CPS1: variants seen among roughly 807,000 people sequenced by gnomAD.
The protein encoded by CPS1 is carbamoyl-phosphate synthase [ammonia], mitochondrial.
CPS1 carries 109 observed loss-of-function variants against 174.6 expected under a neutral mutation model. The ratio of observed to expected loss-of-function variants is 0.62; its 90% CI spans 0.53 to 0.73. The LOEUF (loss-of-function observed/expected upper bound fraction) is 0.73. CPS1 is among the 30% of genes least tolerant of loss of function. The probability of loss-of-function intolerance (pLI) is 0.00; values close to 1 mark genes in which losing one functional copy is unlikely to be tolerated. For synonymous variants in CPS1, 637 were observed against 632.0 expected (o/e 1.01, Z -0.12); for missense variants, 1,689 against 1,821.9 (o/e 0.93, Z 1.33).
chr2:210,503,601 C>T (rs1695203765), intron 1 of CPS1, among the ~76,000 whole-genome samples: 1 of 152,104 alleles, frequency 6.6e-6, no homozygotes, highest in Non-Finnish European at 1.5e-5. Flanking sequence ...GATGAATTTA[C>T]AGGTGGATTA....
At chr2:210,657,444 G>C (rs1024459175) in intron 30 of CPS1, 1 of 151,876 alleles carries the variant, frequency 6.6e-6, no homozygotes, top group African/African-American at 2.4e-5. Flanking sequence ...CCGAGTAGCT[G>C]GGACTACAGG....
intron 1 of CPS1, among the ~76,000 whole-genome samples, chr2:210,550,059 G>C (rs567643449): frequency 6.6e-6 from 1 of 151,880 alleles, no homozygotes; most frequent in East Asian, 1.9e-4. Context: ...CTAGAAACGT[G>C]GCTCACAGAT....
At chr2:210,514,396 C>T (rs1695615335) in intron 1 of CPS1, among the ~76,000 whole-genome samples, 1 of 151,762 alleles carries the variant, frequency 6.6e-6, no homozygotes. Flanking sequence ...AGAGATCTCT[C>T]ACCTCCTTAG....
chr2:210,675,892 G>A (rs747552276), intron 36 of CPS1, 52 bp downstream of exon 36: 2 of 875,884 alleles, frequency 2.3e-6, no homozygotes, highest in South Asian at 1.3e-5. Context: ...TTAACTTTGA[G>A]AACCAGTATA....
At chr2:210,554,658 G>A (rs562967972), upstream of CPS1, among the ~76,000 whole-genome samples, 46 of 151,926 alleles carry the variant, frequency 3.0e-4, no homozygotes, top group African/African-American at 1.1e-3. Context: ...GTTTCCATTA[G>A]TGGGTGCAGC....
chr2:210,528,668 G>A (rs1031138618), intron 1 of CPS1, among the ~76,000 whole-genome samples: 2 of 151,800 alleles, frequency 1.3e-5, no homozygotes, highest in African/African-American at 2.4e-5. Context: ...CATTCCAATG[G>A]CATCTACTAC....
chr2:210,525,610 G>A (rs1695950647), intron 1 of CPS1, among the ~76,000 whole-genome samples: 1 of 151,542 alleles, frequency 6.6e-6, no homozygotes. Flanking sequence ...AAATAATTTT[G>A]GCAGTGATAA....
intron 27 of CPS1, among the ~76,000 whole-genome samples, chr2:210,649,682 A>T (rs950325664): frequency 6.6e-6 from 1 of 152,200 alleles, no homozygotes; most frequent in Non-Finnish European, 1.5e-5. Context: ...TGCTGTTTAA[A>T]AGCAAAGTAA....
At chr2:210,553,737 C>T (rs1321710846), upstream of CPS1, among the ~76,000 whole-genome samples, 6 of 151,934 alleles carry the variant, frequency 3.9e-5, no homozygotes, top group African/African-American at 9.7e-5. Flanking sequence ...AAAAGTGTAA[C>T]ATTTCCACTA....
chr2:210,536,185 T>C (rs1696245405), intron 1 of CPS1, among the ~76,000 whole-genome samples: 1 of 152,204 alleles, frequency 6.6e-6, no homozygotes. Context: ...AATGACTTTA[T>C]GTATACACAA....
At chr2:210,492,194 A>G (rs1381757298) in intron 1 of CPS1, among the ~76,000 whole-genome samples, 2 of 152,204 alleles carry the variant, frequency 1.3e-5, no homozygotes, top group African/African-American at 2.4e-5. Flanking sequence ...AAGTTATAAG[A>G]TATAGCAGCA....
intron 1 of CPS1, among the ~76,000 whole-genome samples, chr2:210,565,197 A>G (rs1697260947): frequency 6.6e-6 from 1 of 152,248 alleles, no homozygotes; most frequent in Admixed American, 6.5e-5. Context: ...TTGTGTGTGA[A>G]AAAATCTGCA....
Position 210,616,449 on chromosome 2 carries a change from T to C in CPS1, c.2595T>C (p.Asp865=). 6.2e-7 allele frequency: 1 copy of C among 1,610,758 alleles called. No individual in the cohort carries two copies. The highest frequency in any genetic ancestry group is 8.5e-7 in the Non-Finnish European group (1 of 1,177,354). The change falls in exon 21 of 38, where the codon GAT becomes GAC. Residue 865 remains aspartate, a synonymous_variant. Coordinates refer to ENST00000233072, the MANE Select transcript of CPS1 (RefSeq NM_001875.5). ...AKAIDDNMSL[D]EIEKLTYIDK... ...CCATTGATGACAACATGTCCCTTGA[T>C]GAGATTGAGAAGCTCACATACATTG...
At chr2:210,659,345 A>C (rs1490963181) in intron 31 of CPS1, among the ~76,000 whole-genome samples, 1 of 152,076 alleles carries the variant, frequency 6.6e-6, no homozygotes, top group Non-Finnish European at 1.5e-5. Flanking sequence ...GTGAGAGAGA[A>C]AGTAGGGGAG....
chr2:210,489,685 A>C (rs1694819345), intron 1 of CPS1, among the ~76,000 whole-genome samples: 1 of 152,154 alleles, frequency 6.6e-6, no homozygotes, highest in Non-Finnish European at 1.5e-5. Flanking sequence ...AGCTACAAAC[A>C]AGCTGTGGGA....
intron 1 of CPS1, among the ~76,000 whole-genome samples, chr2:210,546,794 G>A (rs1484010334): frequency 6.6e-6 from 1 of 152,114 alleles, no homozygotes; most frequent in African/African-American, 2.4e-5. Context: ...GTAAGGTTCA[G>A]TTACGTATTT....
At chr2:210,555,370 C>A (rs1245730121), upstream of CPS1, among the ~76,000 whole-genome samples, 1 of 151,902 alleles carries the variant, frequency 6.6e-6, no homozygotes, top group Non-Finnish European at 1.5e-5. Flanking sequence ...ATTTATTTTC[C>A]CATTGCATTT....
intron 20 of CPS1, among the ~76,000 whole-genome samples, chr2:210,616,167 C>T: frequency 6.6e-6 from 1 of 151,884 alleles, no homozygotes; most frequent in South Asian, 2.1e-4. Flanking sequence ...CGAGTCAAAA[C>T]CTGTTAGGAG....
At chr2:210,562,106 C>T (rs907276204) in intron 1 of CPS1, among the ~76,000 whole-genome samples, 2 of 152,162 alleles carry the variant, frequency 1.3e-5, no homozygotes, top group Admixed American at 6.5e-5. Flanking sequence ...AATAAACCTA[C>T]ACTTTATGAA....
Sources: allele counts gnomAD v4.1 joint callset (sites outside exome capture counted in the v4.1 genomes callset), GRCh38; gene constraint gnomAD v4.1.1; transcripts MANE v1.5; gene names NCBI Gene and HGNC (gene_info 2026-07-23, HGNC 2026-07-21).